Variants in SEPTIN8 observed in about 807,000 individuals in gnomAD.
SEPTIN8 encodes septin-8.
In SEPTIN8, 22 loss-of-function variants were observed where a neutral mutation model predicts 53.1. The observed-to-expected ratio is 0.41, with a 90% CI of 0.30 to 0.59. The LOEUF (loss-of-function observed/expected upper bound fraction) is 0.59. SEPTIN8 is among the 20% of genes least tolerant of loss of function. The pLI, the probability that SEPTIN8 is intolerant of heterozygous loss-of-function variation, is 0.24. For missense variants in SEPTIN8, 536 were observed against 638.7 expected, an observed-to-expected ratio of 0.84 and a Z score of 1.73; for synonymous variants, 228 against 248.4, an observed-to-expected ratio of 0.92 and a Z score of 0.77.
At chr5:132,772,825 G>A (rs1251201356) in intron 1 of SEPTIN8, among the ~76,000 whole-genome samples, 1 of 152,138 alleles carries the variant, frequency 6.6e-6, no homozygotes, top group African/African-American at 2.4e-5. Flanking sequence ...GTGGGCTTGG[G>A]TCCATACCCA....
At chr5:132,758,557 C>T (rs1255374565) in intron 9 of SEPTIN8, 2 of 1,612,926 alleles carry the variant, frequency 1.2e-6, no homozygotes, top group East Asian at 2.2e-5. Context: ...GCCACTGGCT[C>T]TGAAAAAAAT....
intron 1 of SEPTIN8, among the ~76,000 whole-genome samples, chr5:132,768,870 C>T (rs1756898385): frequency 6.6e-6 from 1 of 152,220 alleles, no homozygotes; most frequent in Non-Finnish European, 1.5e-5. Flanking sequence ...TTTCCCCTTC[C>T]CCCTGGCCAT....
chr5:132,754,404 G>C (rs1755147929), intron 9 of SEPTIN8: 4 of 717,422 alleles, frequency 5.6e-6, no homozygotes, highest in Non-Finnish European at 1.0e-5. Flanking sequence ...GACATCCTGA[G>C]GGCCCATACC....
intron 1 of SEPTIN8, among the ~76,000 whole-genome samples, chr5:132,765,871 A>G (rs1373947890): frequency 1.3e-5 from 2 of 152,170 alleles, no homozygotes; most frequent in Non-Finnish European, 2.9e-5. Context: ...TTTCCTACTC[A>G]GGAGGAGGCC....
chr5:132,761,014 A>C lies in SEPTIN8; in HGVS notation c.1096-22T>G, dbSNP rs971575954. ...GGAGCTGGCATCAGAAAGGGGGCAG[A>C]AGATGCGGGGAGCAAGAGGAGGGCT... On this transcript the variant is annotated intron_variant, in intron 8 of 9. Transcript: ENST00000378719. The surrounding 1 kb of genome is among the most constrained non-coding windows in gnomAD (Gnocchi z 5.8). 6 of 1,584,298 alleles carry C rather than the reference A, an allele frequency of 3.8e-6. No individual in the cohort carries two copies. The highest frequency in any genetic ancestry group is 5.2e-6 in the Non-Finnish European group (6 of 1,164,716).
In SEPTIN8 at chr5:132,764,385, G is replaced by A; in HGVS notation, c.186C>T (p.Asn62=). 6.2e-7 allele frequency: 1 copy of A among 1,614,074 alleles called. No homozygotes were observed. The highest frequency in any genetic ancestry group is 8.5e-7 in the Non-Finnish European group (1 of 1,179,944). ...ETGIGKSTLM[N]TLFNTTFETE... ...TCTCGAAGGTCGTGTTGAAGAGTGT[G>A]TTCATCAGTGTGGATTTGCCAATGC... is the stretch of plus-strand genomic sequence containing the variant. Residue 62 remains asparagine, a synonymous_variant, in exon 3 of 10, where the codon AAC becomes AAT. Transcript: ENST00000378719.
At chr5:132,765,026 A>C (rs1756439734) in intron 2 of SEPTIN8, among the ~76,000 whole-genome samples, 1 of 151,936 alleles carries the variant, frequency 6.6e-6, no homozygotes, top group African/African-American at 2.4e-5. Flanking sequence ...TGGAGCACTT[A>C]CCATAGGATA....
chr5:132,767,393 G>T (rs1332154744), intron 1 of SEPTIN8, among the ~76,000 whole-genome samples: 1 of 152,044 alleles, frequency 6.6e-6, no homozygotes, highest in Non-Finnish European at 1.5e-5. Flanking sequence ...CGGCTCTACA[G>T]CTACTCTACT....
chr5:132,774,702 G>A (rs1455382612), intron 1 of SEPTIN8, among the ~76,000 whole-genome samples: 1 of 152,186 alleles, frequency 6.6e-6, no homozygotes, highest in Non-Finnish European at 1.5e-5. Context: ...CTCCAGGTCA[G>A]GACAATTCTC....
chr5:132,763,304 G>C (rs1756186092), intron 4 of SEPTIN8, among the ~76,000 whole-genome samples: 1 of 152,224 alleles, frequency 6.6e-6, no homozygotes, highest in Non-Finnish European at 1.5e-5. Context: ...ATTTATGTCA[G>C]GGAGGAAGGG....
At chr5:132,762,731 T>C in intron 4 of SEPTIN8, 86 bp from the exon 5 acceptor site, 3 of 1,420,736 alleles carry the variant, frequency 2.1e-6, no homozygotes, top group East Asian at 2.3e-5. Context: ...TGGATAGACA[T>C]GCCCAGGCCA....
intron 9 of SEPTIN8, among the ~76,000 whole-genome samples, chr5:132,755,591 A>G (rs975817327): frequency 6.6e-6 from 1 of 152,196 alleles, no homozygotes; most frequent in African/African-American, 2.4e-5. Flanking sequence ...TAGGATTAGG[A>G]TGAGGATTAG....
chr5:132,777,323 G>A (rs1227667975), upstream of SEPTIN8: 1 of 1,074,072 alleles, frequency 9.3e-7, no homozygotes, highest in Non-Finnish European at 1.1e-6. The surrounding 1 kb of genome is among the most constrained non-coding windows in gnomAD (Gnocchi z 4.1). Flanking sequence ...CCCCGCCCGC[G>A]GGACCGGCCT....
At chr5:132,764,779 C>T (rs1329446958) in intron 2 of SEPTIN8, among the ~76,000 whole-genome samples, 1 of 152,190 alleles carries the variant, frequency 6.6e-6, no homozygotes, top group Non-Finnish European at 1.5e-5. Flanking sequence ...AACACCCCTC[C>T]TGGGACCAGG....
At chr5:132,752,274 C>T in intron 9 of SEPTIN8, 93 bp from the exon 10 acceptor site, 11 of 1,437,318 alleles carry the variant, frequency 7.7e-6, no homozygotes, top group Non-Finnish European at 1.0e-5. Flanking sequence ...AAAGGGGTAC[C>T]CTTTGCCCTT....
intron 1 of SEPTIN8, among the ~76,000 whole-genome samples, chr5:132,767,092 A>T (rs1443462604): frequency 1.3e-5 from 2 of 152,028 alleles, no homozygotes; most frequent in Non-Finnish European, 2.9e-5. Context: ...CTCTCAACGG[A>T]GCCTCTTTTC....
chr5:132,777,155 G>C lies in SEPTIN8; in HGVS notation c.-18C>G. 2 of 1,169,904 alleles carry C rather than the reference G, an allele frequency of 1.7e-6. No homozygotes were observed. The highest frequency in any genetic ancestry group is 6.8e-4 in the Middle Eastern group (2 of 2,938). 72.5% of individuals were successfully genotyped at this position (1,169,904 alleles called of 1,614,324 possible). A position where few individuals can be genotyped will look rare whatever the true frequency, so the allele number is the denominator to read the frequency against. On this transcript the variant is annotated 5_prime_UTR_variant, in exon 1 of 10. Coordinates refer to ENST00000378719, the MANE Select transcript of SEPTIN8 (RefSeq NM_001098811.2). This position sits in a 1 kb window ranked among gnomAD's most constrained non-coding sequence, Gnocchi z 4.1. Reference sequence around the variant, plus strand: ...GCCGCCATGGCGAGCTCCGCACCGGGCGGGTGGGCTGGGACGAGCGCAGGG... The same window carrying C: ...GCCGCCATGGCGAGCTCCGCACCGGCCGGGTGGGCTGGGACGAGCGCAGGG...
At chr5:132,777,563 G>A, upstream of SEPTIN8, 1 of 971,882 alleles carries the variant, frequency 1.0e-6, no homozygotes, top group Non-Finnish European at 1.2e-6. This position sits in a 1 kb window ranked among gnomAD's most constrained non-coding sequence, Gnocchi z 4.1. Flanking sequence ...GGGTCCGCGC[G>A]CTGGAAAGCC....
rs1439671470 is a variant in SEPTIN8, at chr5:132,763,742, A to C, written c.498T>G (p.Ser166=). The change falls in exon 4 of 10, where the codon TCT becomes TCG. Residue 166 remains serine (S), a synonymous_variant. Transcript: ENST00000378719. The part of the protein sequence containing the change: ...FITPTGHSLK[S]LDLVTMKKLD... ...GTTTCTTCATGGTCACTAGATCTAG[A>C]GACTTCAGGGAGTGCCCTGTGGGCG... The C allele has an allele frequency of 1.2e-6, 2 of 1,614,046 alleles. No individual in the cohort carries two copies. The highest frequency in any genetic ancestry group is 1.7e-6 in the Non-Finnish European group (2 of 1,180,010).
Sources: gnomAD v4.1 joint callset for allele counts (sites outside exome capture counted in the v4.1 genomes callset) on GRCh38, gnomAD v4.1.1 for gene constraint, Gnocchi (gnomAD v3.1) non-coding constraint, MANE v1.5 for transcripts, NCBI Gene and HGNC (gene_info 2026-07-23, HGNC 2026-07-21) for gene names.